KCND2: variants seen among roughly 807,000 people sequenced by gnomAD.
KCND2 encodes A-type voltage-gated potassium channel KCND2.
A neutral mutation model predicts 54.4 loss-of-function variants in KCND2; 16 were observed. The ratio of observed to expected loss-of-function variants is 0.29; its 90% confidence interval spans 0.20 to 0.45. KCND2 has a LOEUF of 0.45. Ranked by LOEUF, KCND2 falls within the 20% of genes least tolerant of loss-of-function variation. The pLI, the probability that KCND2 is intolerant of heterozygous loss-of-function variation, is 1.00. For missense variants in KCND2, 486 were observed against 824.2 expected (o/e 0.59, Z 5.02); for synonymous variants, 317 against 310.7 (o/e 1.02, Z -0.21).
intron 1 of KCND2, among the ~76,000 whole-genome samples, chr7:120,659,071 T>C (rs1791836823): frequency 6.6e-6 from 1 of 152,158 alleles, no homozygotes; most frequent in Admixed American, 6.5e-5. Flanking sequence ...ATTAGAGAGT[T>C]AGAAAACAAG....
At chr7:120,442,757 T>A (rs1037750243) in intron 1 of KCND2, among the ~76,000 whole-genome samples, 1 of 152,112 alleles carries the variant, frequency 6.6e-6, no homozygotes, top group Admixed American at 6.6e-5. Context: ...TCAAAGCCCT[T>A]TGTACAAAGG....
chr7:120,368,158 A>G (rs1800713717), intron 1 of KCND2, among the ~76,000 whole-genome samples: 1 of 152,082 alleles, frequency 6.6e-6, no homozygotes, highest in African/African-American at 2.4e-5. Flanking sequence ...AATGAAAGAA[A>G]TTTCTGTGAT....
chr7:120,677,524 T>TAGATAG (rs1554384941), intron 1 of KCND2, among the ~76,000 whole-genome samples: 1 of 128,976 alleles, frequency 7.8e-6, no homozygotes, highest in Non-Finnish European at 1.6e-5. Context: ...CAAATATATA[T>TAGATAG]ATATAGATAT....
chr7:120,631,127 G>A (rs1024103788), intron 1 of KCND2, among the ~76,000 whole-genome samples: 10 of 151,976 alleles, frequency 6.6e-5, no homozygotes, highest in Admixed American at 3.3e-4. Flanking sequence ...TTGCATTCAC[G>A]TGGCATTAAA....
chr7:120,581,004 T>C (rs1792508500), intron 1 of KCND2, among the ~76,000 whole-genome samples: 2 of 152,364 alleles, frequency 1.3e-5, no homozygotes, highest in South Asian at 4.1e-4. Flanking sequence ...CCACCTATTT[T>C]CAAAATTGTT....
chr7:120,434,338 T>A (rs1801836145), intron 1 of KCND2, among the ~76,000 whole-genome samples: 1 of 152,182 alleles, frequency 6.6e-6, no homozygotes, highest in Non-Finnish European at 1.5e-5. Context: ...GTGGTGTGGG[T>A]AAAATTATCA....
intron 1 of KCND2, among the ~76,000 whole-genome samples, chr7:120,409,568 A>G (rs534583205): frequency 2.6e-5 from 4 of 152,016 alleles, no homozygotes; most frequent in African/African-American, 9.6e-5. Context: ...GCTGTGGTCA[A>G]CTTTTGTACT....
intron 1 of KCND2, among the ~76,000 whole-genome samples, chr7:120,351,266 A>C (rs1019663901): frequency 6.9e-5 from 10 of 145,302 alleles, no homozygotes; most frequent in Admixed American, 2.1e-4. Context: ...ATATATATAT[A>C]TCCAGTATAT....
Position 120,390,904 on chromosome 7 carries a change from T to G in KCND2, c.1115+115157T>G, listed in dbSNP as rs530143960. On this transcript the variant is annotated intron_variant, in intron 1 of 5. Transcript: ENST00000331113. ...AAAGTTTTTTTATTGCACTTTTAAATTTTTTTAAATTTTACTTTAAGTTCT... is the reference window on the plus strand; with the variant it reads ...AAAGTTTTTTTATTGCACTTTTAAAGTTTTTTAAATTTTACTTTAAGTTCT... Among the ~76,000 whole-genome samples the G allele has an allele frequency of 3.3e-5, 5 of 152,202 alleles. No individual in the cohort carries two copies. The South Asian group carries it at 1.0e-3, about 32-fold the overall frequency.
intron 1 of KCND2, among the ~76,000 whole-genome samples, chr7:120,714,427 T>C (rs1297349884): frequency 2.0e-5 from 3 of 152,150 alleles, no homozygotes; most frequent in African/African-American, 7.2e-5. Context: ...TGTAGATTAC[T>C]TTGTATGAAT....
At chr7:120,496,544 C>T (rs1317634174) in intron 1 of KCND2, among the ~76,000 whole-genome samples, 1 of 152,018 alleles carries the variant, frequency 6.6e-6, no homozygotes, top group Non-Finnish European at 1.5e-5. Flanking sequence ...CCTGCCTCAG[C>T]CTCCTGAGTA....
intron 1 of KCND2, among the ~76,000 whole-genome samples, chr7:120,667,452 A>G (rs1188805913): frequency 6.6e-6 from 1 of 152,030 alleles, no homozygotes; most frequent in Admixed American, 6.6e-5. Flanking sequence ...CTACAGTAAT[A>G]AAAGAAAGAA....
intron 1 of KCND2, among the ~76,000 whole-genome samples, chr7:120,568,073 A>C (rs995021754): frequency 7.1e-6 from 1 of 140,826 alleles, no homozygotes; most frequent in African/African-American, 2.9e-5. Context: ...TTAAAGCATC[A>C]AAAAAAAAAA....
intron 1 of KCND2, among the ~76,000 whole-genome samples, chr7:120,529,020 C>A (rs995764337): frequency 6.6e-6 from 1 of 152,134 alleles, no homozygotes; most frequent in African/African-American, 2.4e-5. Context: ...TGGACAAATT[C>A]TCTGCTTAAT....
At chr7:120,359,942 T>C (rs1310136436) in intron 1 of KCND2, among the ~76,000 whole-genome samples, 1 of 152,104 alleles carries the variant, frequency 6.6e-6, no homozygotes, top group African/African-American at 2.4e-5. Flanking sequence ...TCTGCCATGA[T>C]TGTAAGTTTC....
chr7:120,618,839 A>T (rs1447778353), intron 1 of KCND2, among the ~76,000 whole-genome samples: 1 of 152,090 alleles, frequency 6.6e-6, no homozygotes, highest in Non-Finnish European at 1.5e-5. Context: ...AATTTTTTTC[A>T]ATTTTTATTT....
chr7:120,523,168 T>A (rs1791720683), intron 1 of KCND2, among the ~76,000 whole-genome samples: 1 of 152,172 alleles, frequency 6.6e-6, no homozygotes, highest in Non-Finnish European at 1.5e-5. Context: ...TCTGTGATTG[T>A]GTTGTTTCCG....
intron 1 of KCND2, among the ~76,000 whole-genome samples, chr7:120,289,217 C>T (rs1175859290): frequency 6.6e-6 from 1 of 151,984 alleles, no homozygotes; most frequent in Non-Finnish European, 1.5e-5. Context: ...AGGCACGATC[C>T]CTTGTATGTA....
intron 1 of KCND2, among the ~76,000 whole-genome samples, chr7:120,293,751 G>A (rs55680276): frequency 5.9e-5 from 9 of 151,652 alleles, no homozygotes; most frequent in Admixed American, 2.6e-4. Flanking sequence ...TCTACAACGT[G>A]TTACCTTTAT....
Sources: allele counts gnomAD v4.1 joint callset (sites outside exome capture counted in the v4.1 genomes callset), GRCh38; gene constraint gnomAD v4.1.1; transcripts MANE v1.5; gene names NCBI Gene and HGNC (gene_info 2026-07-23, HGNC 2026-07-21).